Variants in COLEC12 observed in about 807,000 individuals in gnomAD.
The protein encoded by COLEC12 is collectin-12.
Under a neutral mutation model 71.1 loss-of-function variants are expected in COLEC12, and 33 were observed. The observed-to-expected ratio is 0.46, with a 90% CI of 0.35 to 0.62. COLEC12 has a LOEUF of 0.62. Ranked by LOEUF, COLEC12 falls within the 20% of genes least tolerant of loss-of-function variation. The pLI is 0.00. For synonymous variants in COLEC12, 350 were observed against 353.0 expected, an observed-to-expected ratio of 0.99 and a Z score of 0.10; for missense variants, 765 against 916.1, an observed-to-expected ratio of 0.84 and a Z score of 2.13.
chr18:442,016 C>T (rs1307567229), intron 2 of COLEC12, among the ~76,000 whole-genome samples: 1 of 135,794 alleles, frequency 7.4e-6, no homozygotes, highest in Non-Finnish European at 1.6e-5. Flanking sequence ...CACACACACA[C>T]ACACACACAC....
chr18:410,066 C>CT (rs1409074268), intron 2 of COLEC12, among the ~76,000 whole-genome samples: 3 of 152,212 alleles, frequency 2.0e-5, no homozygotes, highest in African/African-American at 7.2e-5. Flanking sequence ...AATACCCTCC[C>CT]TGTAGCATTC....
intron 3 of COLEC12, among the ~76,000 whole-genome samples, chr18:355,680 T>C (rs1469698240): frequency 6.6e-6 from 1 of 152,210 alleles, no homozygotes; most frequent in Non-Finnish European, 1.5e-5. Context: ...GGCTTAAAAG[T>C]ACTTATTAAA....
intron 2 of COLEC12, among the ~76,000 whole-genome samples, chr18:454,537 C>G (rs1383950897): frequency 1.3e-5 from 2 of 152,130 alleles, no homozygotes; most frequent in African/African-American, 4.8e-5. Flanking sequence ...CAAAAATTAG[C>G]TGGATGTGGT....
At chr18:415,463 C>A (rs540673175) in intron 2 of COLEC12, among the ~76,000 whole-genome samples, 2 of 152,220 alleles carry the variant, frequency 1.3e-5, no homozygotes, top group South Asian at 2.1e-4. Context: ...TTAGGCCTAA[C>A]TCCTTACCAC....
chr18:479,198 G>A (rs1012905088), intron 2 of COLEC12, among the ~76,000 whole-genome samples: 2 of 151,894 alleles, frequency 1.3e-5, no homozygotes, highest in African/African-American at 4.8e-5. Flanking sequence ...TGCCTTCAGT[G>A]CGTCCCCCCC....
At chr18:369,479 A>G (rs1914953448) in intron 2 of COLEC12, among the ~76,000 whole-genome samples, 2 of 113,252 alleles carry the variant, frequency 1.8e-5, no homozygotes, top group Non-Finnish European at 3.7e-5. Flanking sequence ...TTTAAGTTTT[A>G]GGGTACATGT....
chr18:492,210 A>G (rs981158406), intron 1 of COLEC12, among the ~76,000 whole-genome samples: 6 of 152,216 alleles, frequency 3.9e-5, no homozygotes, highest in Non-Finnish European at 8.8e-5. Context: ...AGTTTTTTCA[A>G]GTCAAAAGTC....
At chr18:429,202 G>GTTT (rs142565092) in intron 2 of COLEC12, among the ~76,000 whole-genome samples, 1 of 151,556 alleles carries the variant, frequency 6.6e-6, no homozygotes, top group Non-Finnish European at 1.5e-5. Flanking sequence ...GTGTTTTTAT[G>GTTT]TTTTTTTTGT....
intron 2 of COLEC12, among the ~76,000 whole-genome samples, chr18:479,782 A>G (rs569362551): frequency 6.8e-4 from 103 of 152,262 alleles, no homozygotes; most frequent in African/African-American, 2.3e-3. Flanking sequence ...GAGGGTGTGT[A>G]TGAGTTTCCT....
intron 2 of COLEC12, among the ~76,000 whole-genome samples, chr18:404,882 G>C (rs972901342): frequency 1.3e-5 from 2 of 152,142 alleles, no homozygotes; most frequent in African/African-American, 4.8e-5. Flanking sequence ...TGCCTGCGGG[G>C]TTGGGCAAAA....
chr18:419,224 T>C (rs1158229958), intron 2 of COLEC12, among the ~76,000 whole-genome samples: 2 of 150,946 alleles, frequency 1.3e-5, no homozygotes, highest in African/African-American at 4.9e-5. Flanking sequence ...ATTTTTGAGA[T>C]GGAGTCTTGC....
chr18:376,365 T>C (rs1915113677), intron 2 of COLEC12, among the ~76,000 whole-genome samples: 1 of 152,182 alleles, frequency 6.6e-6, no homozygotes, highest in African/African-American at 2.4e-5. Flanking sequence ...AGAAAATCCA[T>C]GGATTGGAGA....
At chr18:493,168 C>G (rs1291916133) in intron 1 of COLEC12, among the ~76,000 whole-genome samples, 1 of 152,206 alleles carries the variant, frequency 6.6e-6, no homozygotes, top group Non-Finnish European at 1.5e-5. Flanking sequence ...GACTGTGCCA[C>G]TGCTCAAGGG....
intron 2 of COLEC12, among the ~76,000 whole-genome samples, chr18:414,410 C>T (rs1171287565): frequency 1.3e-5 from 2 of 152,000 alleles, no homozygotes; most frequent in South Asian, 2.1e-4. Flanking sequence ...ACCAGCCTGA[C>T]CAACATGGTG....
At position 328,197 on chromosome 18, in the gene COLEC12, A is replaced by G. The variant is rs188659886; in HGVS notation, c.2063+3471T>C. 2.3e-3 allele frequency among the ~76,000 whole-genome samples: 349 copies of G among 152,292 alleles called. 1 individual carries two copies. The highest frequency in any genetic ancestry group is 8.1e-3 in the African/African-American group (337 of 41,560). ...AATTTGTTGGTGAATAATTGTTCATAATCGTCTCCTGCGATGATCTGTTCC... is the reference window on the plus strand; with the variant it reads ...AATTTGTTGGTGAATAATTGTTCATGATCGTCTCCTGCGATGATCTGTTCC... On this transcript the variant is annotated intron_variant, in intron 8 of 9. Transcript: ENST00000400256.
chr18:473,230 A>G (rs1467041067), intron 2 of COLEC12, among the ~76,000 whole-genome samples: 1 of 152,148 alleles, frequency 6.6e-6, no homozygotes, highest in Non-Finnish European at 1.5e-5. Context: ...AAAGGGCCCC[A>G]GGGAGAACGT....
Position 339,127 on chromosome 18 carries a change from A to G in COLEC12, c.1328-3897T>C, listed in dbSNP as rs371584330. 5.9e-5 allele frequency among the ~76,000 whole-genome samples: 9 copies of G among 152,140 alleles called. No individual in the cohort carries two copies. In the East Asian group the frequency reaches 9.6e-4, roughly 16 times the overall value. On this transcript the variant is annotated intron_variant, in intron 5 of 9. Coordinates refer to ENST00000400256, the MANE Select transcript of COLEC12 (RefSeq NM_130386.3). ...TGATCACAGGCTTGTGTCTGCTCAG[A>G]CAGACTGCTGGTGGGGGGAGCTGTA...
chr18:458,908 C>T (rs377000382), intron 2 of COLEC12, among the ~76,000 whole-genome samples: 3 of 152,368 alleles, frequency 2.0e-5, no homozygotes, highest in East Asian at 3.9e-4. Context: ...GATCATGGTT[C>T]ATTGCAGCCT....
intron 2 of COLEC12, among the ~76,000 whole-genome samples, chr18:364,494 T>C (rs1347153877): frequency 2.6e-5 from 4 of 152,226 alleles, no homozygotes; most frequent in Non-Finnish European, 1.5e-5. Flanking sequence ...TCTATTCCTA[T>C]ACATTTTATT....
Sources: allele counts gnomAD v4.1 joint callset (sites outside exome capture counted in the v4.1 genomes callset), GRCh38; gene constraint gnomAD v4.1.1; transcripts MANE v1.5; gene names NCBI Gene and HGNC (gene_info 2026-07-23, HGNC 2026-07-21).